DGKH: variants seen among roughly 807,000 people sequenced by gnomAD.
DGKH encodes DAG kinase eta.
In DGKH, 90 loss-of-function variants were observed where a neutral mutation model predicts 159.3. That is an observed-to-expected ratio of 0.57 (90% CI 0.48 to 0.67). DGKH has a LOEUF of 0.67. Ranked by LOEUF, DGKH falls within the 30% of genes least tolerant of loss-of-function variation. The pLI, the probability that DGKH is intolerant of heterozygous loss-of-function variation, is 0.00. For missense variants in DGKH, 1,181 were observed against 1,506.1 expected, an observed-to-expected ratio of 0.78 and a Z score of 3.57; for synonymous variants, 536 against 553.8, an observed-to-expected ratio of 0.97 and a Z score of 0.45.
chr13:42,106,749 TA>T (rs548673768), intron 1 of DGKH, among the ~76,000 whole-genome samples: 2 of 152,082 alleles, frequency 1.3e-5, no homozygotes, highest in East Asian at 3.9e-4. Context: ...CCACTGAAAA[TA>T]TTGAAAAAAG....
chr13:42,186,047 GTGTA>G (rs201633039), intron 13 of DGKH, among the ~76,000 whole-genome samples: 10,084 of 135,592 alleles, frequency 0.074, 499 homozygotes, highest in Non-Finnish European at 0.1. Flanking sequence ...GTGTGTGTGT[GTGTA>G]TGTCCTGTGT....
intron 1 of DGKH, among the ~76,000 whole-genome samples, chr13:42,096,416 G>T (rs570727192): frequency 6.6e-6 from 1 of 152,262 alleles, no homozygotes; most frequent in East Asian, 1.9e-4. Flanking sequence ...CAAAGGACAT[G>T]ATTTCATTCT....
At chr13:42,040,279 G>T (rs978678571) in intron 1 of DGKH, among the ~76,000 whole-genome samples, 15 of 152,172 alleles carry the variant, frequency 9.9e-5, no homozygotes, top group Non-Finnish European at 1.9e-4. Flanking sequence ...GCGTCTCCCG[G>T]GACCCGCGTC....
Position 42,237,996 on chromosome 13 carries a change from T to C in DGKH, c.*8808T>C, listed in dbSNP as rs186360370. The C allele has an allele frequency of 6.6e-6, 1 of 152,340 alleles. No homozygotes were observed. The highest frequency in any genetic ancestry group is 6.5e-5 in the Admixed American group (1 of 15,302). 9.4% of individuals were successfully genotyped at this position (152,340 alleles called of 1,614,324 possible). On this transcript the variant is annotated 3_prime_UTR_variant, in exon 30 of 30. Coordinates refer to ENST00000337343, the MANE Select transcript of DGKH (RefSeq NM_178009.5). ...TATTGAAATTCACAATACCTAGAGA[T>C]GGGAACATGGTTTAGGTTTATCCAG... is the stretch of plus-strand genomic sequence containing the variant.
intron 3 of DGKH, among the ~76,000 whole-genome samples, chr13:42,136,276 G>C (rs1305190905): frequency 1.3e-5 from 2 of 152,160 alleles, no homozygotes; most frequent in African/African-American, 2.4e-5. Flanking sequence ...ACTTTATCTT[G>C]AGAAAACATT....
chr13:42,131,922 A>C (rs1436426950), intron 3 of DGKH, among the ~76,000 whole-genome samples: 1 of 152,184 alleles, frequency 6.6e-6, no homozygotes, highest in Non-Finnish European at 1.5e-5. Flanking sequence ...CTTCTGATGA[A>C]TTGTTGGAGA....
downstream of DGKH, among the ~76,000 whole-genome samples, chr13:42,244,590 A>G (rs765079557): frequency 1.3e-5 from 2 of 152,220 alleles, no homozygotes; most frequent in African/African-American, 2.4e-5. Flanking sequence ...TTTGCCACTA[A>G]GTCTAACAAG....
At chr13:42,132,474 A>T (rs1394134172) in intron 3 of DGKH, among the ~76,000 whole-genome samples, 1 of 152,246 alleles carries the variant, frequency 6.6e-6, no homozygotes, top group South Asian at 2.1e-4. Context: ...GGTGAAGACA[A>T]GGTCTAGGGT....
In DGKH at chr13:42,150,755, A is replaced by T. The variant is rs79013620; in HGVS notation, c.385-4536A>T. The stretch of plus-strand genomic sequence containing the variant: ...TATTACAATATCAAAATTTGTAATT[A>T]TTTTTTTTATGGGTGTGGTAGGCTG... On this transcript the variant is annotated intron_variant, in intron 3 of 29. Transcript: ENST00000337343. 5.5e-3 allele frequency among the ~76,000 whole-genome samples: 830 copies of T among 149,610 alleles called. 8 individuals carry two copies. The highest frequency in any genetic ancestry group is 0.02 in the African/African-American group (789 of 39,192).
At chr13:42,208,312 A>G (rs1318307793) in intron 21 of DGKH, among the ~76,000 whole-genome samples, 4 of 152,330 alleles carry the variant, frequency 2.6e-5, no homozygotes, top group Admixed American at 6.5e-5. Flanking sequence ...CAGCCTACAT[A>G]TAAAATTTTA....
chr13:42,159,269 G>GGT lies in DGKH; in HGVS notation c.626_627insGT (p.Cys209TrpfsTer12). On this transcript the variant is annotated frameshift_variant, in exon 6 of 30. Coordinates refer to ENST00000337343, the MANE Select transcript of DGKH (RefSeq NM_178009.5). LOFTEE classifies it high-confidence loss of function. ...CTTTTTTTTTTTTTTTTTTTAGTGTGTAAATTCAAGGCTCACAAAAGATGT... is the reference window on the plus strand; with the variant it reads ...CTTTTTTTTTTTTTTTTTTTAGTGTGGTTAAATTCAAGGCTCACAAAAGATGT... 6.7e-6 allele frequency: 1 copy of GGT among 148,294 alleles called. No homozygotes were observed. The highest frequency in any genetic ancestry group is 1.1e-5 in the Non-Finnish European group (1 of 93,560). 9.2% of individuals were successfully genotyped at this position (148,294 alleles called of 1,614,324 possible). A position where few individuals can be genotyped will look rare whatever the true frequency, so the allele number is the denominator to read the frequency against.
intron 24 of DGKH, among the ~76,000 whole-genome samples, chr13:42,213,216 G>A (rs908365513): frequency 2.0e-5 from 3 of 152,118 alleles, no homozygotes; most frequent in Admixed American, 6.6e-5. Context: ...AAGATAGAAA[G>A]GACAAGCAAG....
chr13:42,065,562 G>C (rs1383350646), intron 1 of DGKH, among the ~76,000 whole-genome samples: 1 of 152,182 alleles, frequency 6.6e-6, no homozygotes, highest in African/African-American at 2.4e-5. Flanking sequence ...TCACTTTATG[G>C]CATTGCCTTA....
chr13:42,228,844 A>G (rs1235838303), intron 29 of DGKH, among the ~76,000 whole-genome samples: 2 of 152,016 alleles, frequency 1.3e-5, no homozygotes, highest in African/African-American at 2.4e-5. Flanking sequence ...TTTTTGTACC[A>G]GTTGGGAATT....
rs974157681 is a variant in DGKH, at chr13:42,230,317, T to C, written c.*1129T>C. On this transcript the variant is annotated 3_prime_UTR_variant, in exon 30 of 30. Coordinates refer to ENST00000337343, the MANE Select transcript of DGKH (RefSeq NM_178009.5). ...CACGATCTTCCAAACAGAAGGGATT[T>C]AAATTTTTTCTTAAGGGCTTTATGT... 4 of 152,176 alleles carry C rather than the reference T, an allele frequency of 2.6e-5. No individual in the cohort carries two copies. The highest frequency in any genetic ancestry group is 4.4e-5 in the Non-Finnish European group (3 of 68,026). The allele number at this position is 152,176 out of a possible 1,614,324, so 9.4% of individuals were successfully genotyped here.
At chr13:42,095,022 A>G (rs974907922) in intron 1 of DGKH, among the ~76,000 whole-genome samples, 5 of 152,144 alleles carry the variant, frequency 3.3e-5, no homozygotes, top group African/African-American at 7.2e-5. Context: ...GCAGCAGGAT[A>G]TGAAGGGGCC....
chr13:42,102,112 A>G (rs1461279311), intron 1 of DGKH, among the ~76,000 whole-genome samples: 3 of 152,204 alleles, frequency 2.0e-5, no homozygotes, highest in Non-Finnish European at 4.4e-5. Context: ...GCAGGAAGGA[A>G]AGGGATGATT....
chr13:42,064,682 A>G (rs1882433304), intron 1 of DGKH, among the ~76,000 whole-genome samples: 1 of 152,190 alleles, frequency 6.6e-6, no homozygotes, highest in Admixed American at 6.5e-5. Context: ...GAAAGAAAAG[A>G]AAGAGTACTA....
chr13:42,087,044 AACACACAC>A (rs71298957), intron 1 of DGKH, among the ~76,000 whole-genome samples: 55 of 140,166 alleles, frequency 3.9e-4, no homozygotes, highest in South Asian at 1.2e-3. Context: ...CCAGAAGGAA[AACACACAC>A]ACACACACAC....
Sources: allele counts gnomAD v4.1 joint callset (sites outside exome capture counted in the v4.1 genomes callset), GRCh38; gene constraint gnomAD v4.1.1; transcripts MANE v1.5; gene names NCBI Gene and HGNC (gene_info 2026-07-23, HGNC 2026-07-21).